The following AHI1 variants were observed in gnomAD, a reference collection of about 807,000 sequenced individuals.
AHI1 encodes jouberin.
In AHI1, 123 loss-of-function variants were observed where a neutral mutation model predicts 149.3. The ratio of observed to expected loss-of-function variants is 0.82; its 90% CI spans 0.71 to 0.96. AHI1 has a LOEUF of 0.96. AHI1 is among the 40% of genes least tolerant of loss of function. The pLI is 0.00. For missense variants in AHI1, 1,439 were observed against 1,422.7 expected (o/e 1.01, Z -0.18); for synonymous variants, 475 against 459.8 (o/e 1.03, Z -0.42).
At chr6:135,323,950 C>T (rs895490391) in intron 24 of AHI1, among the ~76,000 whole-genome samples, 5 of 152,106 alleles carry the variant, frequency 3.3e-5, no homozygotes, top group Non-Finnish European at 7.4e-5. Flanking sequence ...CTTTGTGTTA[C>T]AATAATCATT....
intron 22 of AHI1, among the ~76,000 whole-genome samples, chr6:135,399,907 A>G (rs959707317): frequency 2.0e-5 from 3 of 151,870 alleles, no homozygotes; most frequent in Admixed American, 6.6e-5. Context: ...TCTTTTTTTA[A>G]AAACTCTTCT....
At chr6:135,341,646 G>T (rs1455338955) in intron 24 of AHI1, among the ~76,000 whole-genome samples, 1 of 151,764 alleles carries the variant, frequency 6.6e-6, no homozygotes, top group Non-Finnish European at 1.5e-5. Context: ...CTCCAACCAT[G>T]ATAAACTGAA....
chr6:135,417,961 A>G (rs1447735878), intron 20 of AHI1, among the ~76,000 whole-genome samples: 2 of 152,114 alleles, frequency 1.3e-5, no homozygotes, highest in African/African-American at 2.4e-5. Flanking sequence ...TATGCTTTTA[A>G]CATTTCAGGG....
At chr6:135,313,655 T>C (rs985946370) in intron 26 of AHI1, among the ~76,000 whole-genome samples, 1 of 152,128 alleles carries the variant, frequency 6.6e-6, no homozygotes, top group Non-Finnish European at 1.5e-5. Flanking sequence ...CAGTCTAAAC[T>C]AAGACTATGA....
At chr6:135,397,276 A>G (rs1157478125) in intron 22 of AHI1, among the ~76,000 whole-genome samples, 1 of 151,960 alleles carries the variant, frequency 6.6e-6, no homozygotes, top group Non-Finnish European at 1.5e-5. Context: ...AAATAATAAT[A>G]ACCATTAAAT....
intron 22 of AHI1, among the ~76,000 whole-genome samples, chr6:135,402,679 T>C (rs1780187160): frequency 6.6e-6 from 1 of 152,196 alleles, no homozygotes; most frequent in Non-Finnish European, 1.5e-5. Flanking sequence ...CCTCAGGCTA[T>C]TCAATGTGAA....
intron 27 of AHI1, among the ~76,000 whole-genome samples, chr6:135,298,911 A>C (rs1382684630): frequency 6.6e-6 from 1 of 152,180 alleles, no homozygotes; most frequent in African/African-American, 2.4e-5. Context: ...TTAAGTAAAA[A>C]GTTCTAAAAA....
intron 24 of AHI1, among the ~76,000 whole-genome samples, chr6:135,333,318 A>G (rs1175408970): frequency 1.3e-5 from 2 of 152,230 alleles, no homozygotes; most frequent in Admixed American, 1.3e-4. Flanking sequence ...ATTATTAAAT[A>G]TTAAAATGCT....
At chr6:135,332,895 T>C (rs2128400197) in intron 24 of AHI1, among the ~76,000 whole-genome samples, 1 of 152,372 alleles carries the variant, frequency 6.6e-6, no homozygotes, top group East Asian at 1.9e-4. Flanking sequence ...ACATATATTC[T>C]ATTTTATGGA....
rs1461027288 is a variant in AHI1, at chr6:135,492,290, T to A, written c.-53A>T. 2.0e-6 allele frequency: 3 copies of A among 1,516,272 alleles called. No individual in the cohort carries two copies. Among genetic ancestry groups the A allele is most frequent in the African/African-American group, 1.4e-5 (1 of 72,238 alleles). 93.9% of individuals were successfully genotyped at this position (1,516,272 alleles called of 1,614,324 possible). A position where few individuals can be genotyped will look rare whatever the true frequency, so the allele number is the denominator to read the frequency against. On this transcript the variant is annotated splice_region_variant and 5_prime_UTR_variant, in exon 4 of 29. Coordinates refer to ENST00000265602, the MANE Select transcript of AHI1 (RefSeq NM_001134831.2). ...ATGCAAAGCATTGACTCAATCAGGA[T>A]CCTATCGAAACAAAGGAGATGTATT...
intron 5 of AHI1, among the ~76,000 whole-genome samples, chr6:135,478,439 C>T (rs1197419831): frequency 6.6e-6 from 1 of 152,154 alleles, no homozygotes; most frequent in Non-Finnish European, 1.5e-5. Context: ...TGACCCTGCT[C>T]TAGAGATATG....
rs79901383 is a variant in AHI1, at chr6:135,450,525, A to T, written c.1441-2050T>A. On this transcript the variant is annotated intron_variant, in intron 11 of 28. Transcript: ENST00000265602. ...AGTGTCAAATGACACACAGGGGTAA[A>T]GAACCATTCCCAATTGAGTAATAGA... is the stretch of plus-strand genomic sequence containing the variant. Among the ~76,000 whole-genome samples the T allele has an allele frequency of 1.9e-3, 296 of 152,298 alleles. 3 individuals are homozygous for T. Among genetic ancestry groups the T allele is most frequent in the Admixed American group, 0.015 (222 of 15,298 alleles).
chr6:135,356,570 G>A (rs1793000146), intron 24 of AHI1, among the ~76,000 whole-genome samples: 1 of 152,176 alleles, frequency 6.6e-6, no homozygotes, highest in Non-Finnish European at 1.5e-5. Flanking sequence ...AGAAGGAGAA[G>A]AGTAGCCAAT....
At chr6:135,412,785 A>G (rs1781794269) in intron 20 of AHI1, among the ~76,000 whole-genome samples, 1 of 152,228 alleles carries the variant, frequency 6.6e-6, no homozygotes, top group African/African-American at 2.4e-5. Flanking sequence ...ATGACATGAA[A>G]GAAATAAATC....
rs138619848 is a variant in AHI1, at chr6:135,485,989, C to T, written c.135+4634G>A. Reference sequence around the variant, plus strand: ...GGTACATTTCTTAACCTCTGTGCCTCAGTTCTTCAGTTTATACTGATTTTA... The same window carrying T: ...GGTACATTTCTTAACCTCTGTGCCTTAGTTCTTCAGTTTATACTGATTTTA... On this transcript the variant is annotated intron_variant, in intron 5 of 28. Transcript: ENST00000265602. Among the ~76,000 whole-genome samples the T allele has an allele frequency of 1.2e-3, 176 of 152,234 alleles. 1 individual carries two copies. Among genetic ancestry groups the T allele is most frequent in the African/African-American group, 4.0e-3 (167 of 41,538 alleles).
At chr6:135,328,370 T>C (rs1411433176) in intron 24 of AHI1, among the ~76,000 whole-genome samples, 1 of 152,236 alleles carries the variant, frequency 6.6e-6, no homozygotes, top group Non-Finnish European at 1.5e-5. Flanking sequence ...CTTGTGTCTG[T>C]GTGTCATATT....
rs1247185586 is a variant in AHI1, at chr6:135,490,682, G to T, written c.76C>A (p.Leu26Ile). The change falls in exon 5 of 29, where the codon CTA becomes ATA. Residue 26 changes from leucine (L) to isoleucine (I), a missense_variant. Leu to Ile is a conservative substitution (Grantham distance 5, BLOSUM62 2). Transcript: ENST00000265602. ...TTCAGTTTTTTCTTTTCACGCATTAGATCACTGTGGGTCTTAAGCAATTCT... is the reference window on the plus strand; with the variant it reads ...TTCAGTTTTTTCTTTTCACGCATTATATCACTGTGGGTCTTAAGCAATTCT... The part of the protein sequence containing the change: ...FEELLKTHSD[L>I]MREKKKLKKK... The T allele has an allele frequency of 1.2e-6, 2 of 1,613,236 alleles. No individual in the cohort carries two copies. The highest frequency in any genetic ancestry group is 2.2e-5 in the East Asian group (1 of 44,822).
At position 135,467,618 on chromosome 6, in the gene AHI1, C is replaced by A. The variant is rs759236704; in HGVS notation, c.152G>T (p.Ser51Ile). The change falls in exon 6 of 29, where the codon AGC becomes ATC. Residue 51 changes from serine (S) to isoleucine (I), a missense_variant. Transcript: ENST00000265602. ...AGTTTCTTTCATATAGTGAAGATTG[C>A]TTCTAATAGTGTCAGGCTAAAAAGG... ...EENISPDTIR[S>I]NLHYMKETTS... is the part of the protein sequence containing the mutation. 6.2e-7 allele frequency: 1 copy of A among 1,607,116 alleles called. No individual in the cohort carries two copies. Among genetic ancestry groups the A allele is most frequent in the Admixed American group, 1.7e-5 (1 of 59,676 alleles).
intron 24 of AHI1, among the ~76,000 whole-genome samples, chr6:135,345,547 G>A (rs747641290): frequency 2.0e-5 from 3 of 151,986 alleles, no homozygotes; most frequent in Non-Finnish European, 4.4e-5. Context: ...AAAACATTAC[G>A]GTAAGTGAAA....
Sources: allele counts gnomAD v4.1 joint callset (sites outside exome capture counted in the v4.1 genomes callset), GRCh38; gene constraint gnomAD v4.1.1; transcripts MANE v1.5; gene names NCBI Gene and HGNC (gene_info 2026-07-23, HGNC 2026-07-21).